The following WWOX variants were observed in gnomAD, a reference collection of about 807,000 sequenced individuals.
WWOX encodes the protein WW domain containing oxidoreductase, also known as WW domain-containing oxidoreductase.
WWOX carries 69 observed loss-of-function variants against 46.2 expected under a neutral mutation model. The ratio of observed to expected loss-of-function variants is 1.49; its 90% CI spans 1.23 to 1.82. The LOEUF (loss-of-function observed/expected upper bound fraction) is 1.82. WWOX is among the 40% of genes most tolerant of loss of function. WWOX has a pLI of 0.00. For missense variants in WWOX, 919 were observed against 542.6 expected, an observed-to-expected ratio of 1.69 and a Z score of -6.89; for synonymous variants, 359 against 202.6, an observed-to-expected ratio of 1.77 and a Z score of -6.56.
intron 8 of WWOX, chr16:79,017,188 T>A (rs997217028): frequency 3.3e-5 from 5 of 152,032 alleles, no homozygotes; most frequent in African/African-American, 1.2e-4. Flanking sequence ...CACAGCACTT[T>A]GGGAGGCCAA....
chr16:78,380,260 G>A (rs1009353799), intron 5 of WWOX, among the ~76,000 whole-genome samples: 1 of 152,118 alleles, frequency 6.6e-6, no homozygotes, highest in Non-Finnish European at 1.5e-5. Flanking sequence ...TACATAGTGT[G>A]GACATAATGG....
chr16:79,154,516 AAAAAG>A (rs1273906797), intron 8 of WWOX, among the ~76,000 whole-genome samples: 45 of 150,398 alleles, frequency 3.0e-4, no homozygotes, highest in African/African-American at 1.1e-3. Flanking sequence ...AAAAAAAAAA[AAAAAG>A]AGGTGAATTT....
At chr16:78,391,860 G>A (rs1567544995) in intron 6 of WWOX, among the ~76,000 whole-genome samples, 1 of 152,074 alleles carries the variant, frequency 6.6e-6, no homozygotes, top group African/African-American at 2.4e-5. Flanking sequence ...AAATTTAGTG[G>A]CTAAAAAACA....
chr16:78,285,600 G>T (rs923209904), intron 5 of WWOX, among the ~76,000 whole-genome samples: 11 of 152,190 alleles, frequency 7.2e-5, no homozygotes, highest in African/African-American at 2.7e-4. Context: ...GCTGGGGGAA[G>T]ATTTTGCAAT....
intron 8 of WWOX, among the ~76,000 whole-genome samples, chr16:78,604,229 T>G (rs1301261253): frequency 6.6e-6 from 1 of 152,208 alleles, no homozygotes; most frequent in East Asian, 1.9e-4. Context: ...TTTGTTTACA[T>G]GTACTCCAAA....
chr16:79,185,832 C>G lies in WWOX; in HGVS notation c.1057-25776C>G, dbSNP rs192751280. On this transcript the variant is annotated intron_variant, in intron 8 of 8. Coordinates refer to ENST00000566780, the MANE Select transcript of WWOX (RefSeq NM_016373.4). ...GGACACTGCCTAGTGTGAGAAGGGA[C>G]TCATCTGTTTTCTAGGAAGTACTAT... Among the ~76,000 whole-genome samples, 7 of 152,154 alleles carry G rather than the reference C, an allele frequency of 4.6e-5. No homozygotes were observed. The East Asian group carries it at 9.7e-4, about 21-fold the overall frequency.
intron 4 of WWOX, among the ~76,000 whole-genome samples, chr16:78,142,732 A>G (rs922797928): frequency 1.3e-5 from 2 of 152,176 alleles, no homozygotes; most frequent in Admixed American, 6.5e-5. Context: ...CAGTTTTTCT[A>G]ATTTCTTATT....
intron 5 of WWOX, among the ~76,000 whole-genome samples, chr16:78,218,739 T>C (rs2036800360): frequency 1.3e-5 from 2 of 152,214 alleles, no homozygotes. Flanking sequence ...TGGTTCAGAA[T>C]GTCCCTGGCC....
chr16:78,983,636 T>A (rs1184234212), intron 8 of WWOX, among the ~76,000 whole-genome samples: 1 of 152,162 alleles, frequency 6.6e-6, no homozygotes, highest in East Asian at 1.9e-4. Flanking sequence ...AGATTTGGCC[T>A]TGTGACTTCC....
At chr16:78,537,702 C>A (rs940095982) in intron 8 of WWOX, among the ~76,000 whole-genome samples, 4 of 152,150 alleles carry the variant, frequency 2.6e-5, no homozygotes, top group East Asian at 1.9e-4. Context: ...TCCCAGCTGC[C>A]ACAGTTCATG....
intron 8 of WWOX, among the ~76,000 whole-genome samples, chr16:78,652,575 T>C (rs2142147392): frequency 6.6e-6 from 1 of 152,282 alleles, no homozygotes; most frequent in South Asian, 2.1e-4. Context: ...CAGGTATTTC[T>C]CAGCGTGTTC....
At chr16:78,454,254 C>G (rs1174706400) in intron 8 of WWOX, among the ~76,000 whole-genome samples, 1 of 152,060 alleles carries the variant, frequency 6.6e-6, no homozygotes, top group South Asian at 2.1e-4. Flanking sequence ...ATGGACAGAT[C>G]AAGATGTTCT....
chr16:78,793,811 C>T (rs1021698982), intron 8 of WWOX, among the ~76,000 whole-genome samples: 4 of 151,744 alleles, frequency 2.6e-5, no homozygotes, highest in African/African-American at 9.7e-5. Flanking sequence ...CAAGGTGGCT[C>T]ACGTCTGTAA....
chr16:78,383,497 G>C (rs775527934), intron 5 of WWOX, among the ~76,000 whole-genome samples: 6 of 152,094 alleles, frequency 3.9e-5, no homozygotes, highest in Non-Finnish European at 7.4e-5. Context: ...TTGGCAGATC[G>C]AGTCTCTTGT....
At chr16:78,672,239 T>C in intron 8 of WWOX, among the ~76,000 whole-genome samples, 1 of 152,190 alleles carries the variant, frequency 6.6e-6, no homozygotes, top group East Asian at 1.9e-4. Context: ...TCCTTTTCCA[T>C]GTTCAAGGTG....
At chr16:78,678,621 T>C (rs533734376) in intron 8 of WWOX, among the ~76,000 whole-genome samples, 2 of 152,042 alleles carry the variant, frequency 1.3e-5, no homozygotes, top group East Asian at 3.9e-4. Context: ...ATCTGTAAAA[T>C]ATGAAAACAG....
chr16:78,684,530 T>G (rs1022712613), intron 8 of WWOX, among the ~76,000 whole-genome samples: 9 of 152,176 alleles, frequency 5.9e-5, no homozygotes, highest in African/African-American at 2.2e-4. Flanking sequence ...GACCTGGATG[T>G]GATGCAAGCA....
At chr16:78,100,007 T>C (rs1260247890) in intron 1 of WWOX, 122 bp downstream of exon 1, 1 of 1,483,586 alleles carries the variant, frequency 6.7e-7, no homozygotes, top group Non-Finnish European at 8.9e-7. Context: ...AAAGTAACTG[T>C]TAAGGAGCTT....
chr16:78,886,279 T>G (rs1258807164), intron 8 of WWOX, among the ~76,000 whole-genome samples: 2 of 151,960 alleles, frequency 1.3e-5, no homozygotes, highest in Non-Finnish European at 2.9e-5. Context: ...TTGGTATTTT[T>G]TCTTTAAAAA....
Sources: gnomAD v4.1 joint callset for allele counts (sites outside exome capture counted in the v4.1 genomes callset) on GRCh38, gnomAD v4.1.1 for gene constraint, MANE v1.5 for transcripts, NCBI Gene and HGNC (gene_info 2026-07-23, HGNC 2026-07-21) for gene names.